SSH1: variants seen among roughly 807,000 people sequenced by gnomAD.
SSH1 encodes slingshot protein phosphatase 1.
SSH1 carries 43 observed loss-of-function variants against 79.7 expected under a neutral mutation model. That is an observed-to-expected ratio of 0.54 (90% CI 0.42 to 0.70). The LOEUF (loss-of-function observed/expected upper bound fraction) is 0.70. SSH1 is among the 30% of genes least tolerant of loss of function. SSH1 has a pLI of 0.00. For missense variants in SSH1, 1,206 were observed against 1,358.8 expected (o/e 0.89, Z 1.77); for synonymous variants, 599 against 538.3 (o/e 1.11, Z -1.56).
chr12:108,818,253 T>C lies in SSH1; in HGVS notation c.275A>G (p.Lys92Arg). The change falls in exon 4 of 15, where the codon AAG (lysine) becomes AGG (arginine). Residue 92 changes from lysine to arginine, a missense_variant. By Grantham distance (26) the Lys-to-Arg change is conservative. Around this residue, in one of 5 missense-constraint regions of SSH1, gnomAD observed 115 missense variants for 173.9 expected, o/e 0.66. Transcript: ENST00000326495. The stretch of plus-strand genomic sequence containing the variant: ...GACATTCTCACTGCTTCTTACCAGC[T>C]TGATTCTGTCTTCGCAACGCAGAAG... ...INLLRCEDRI[K>R]LAVRLESAWA... The C allele has an allele frequency of 6.2e-7, 1 of 1,613,802 alleles. No homozygotes were observed. Among genetic ancestry groups the C allele is most frequent in the Non-Finnish European group, 8.5e-7 (1 of 1,179,928 alleles).
At chr12:108,801,318 A>C (rs986133841) in intron 11 of SSH1, among the ~76,000 whole-genome samples, 20 of 152,214 alleles carry the variant, frequency 1.3e-4, no homozygotes. Context: ...ATATCCATCC[A>C]TTATCTATAT....
At chr12:108,792,198 T>C (rs1321290162) in intron 14 of SSH1, 88 bp downstream of exon 14, 8 of 1,599,088 alleles carry the variant, frequency 5.0e-6, no homozygotes, top group Admixed American at 1.7e-5. Flanking sequence ...CGGGTGCCTG[T>C]AGTCCCTACT....
At chr12:108,838,253 C>T (rs1156462144) in intron 2 of SSH1, among the ~76,000 whole-genome samples, 3 of 152,228 alleles carry the variant, frequency 2.0e-5, no homozygotes, top group Non-Finnish European at 1.5e-5. Flanking sequence ...GTTTTACCCT[C>T]ACCAAGCAAG....
chr12:108,832,163 G>A (rs2038489948), intron 2 of SSH1, among the ~76,000 whole-genome samples: 1 of 151,986 alleles, frequency 6.6e-6, no homozygotes, highest in Non-Finnish European at 1.5e-5. Flanking sequence ...TGGGTGTGGT[G>A]GCGTGCACCT....
At chr12:108,833,446 G>A (rs550287565) in intron 2 of SSH1, among the ~76,000 whole-genome samples, 28 of 152,302 alleles carry the variant, frequency 1.8e-4, no homozygotes, top group South Asian at 1.0e-3. Context: ...CAAAAATTCC[G>A]AGAAGAGATT....
Position 108,857,413 on chromosome 12 carries a change from G to T in SSH1, c.69+15C>A. On this transcript the variant is annotated intron_variant, in intron 1 of 14. Coordinates refer to ENST00000326495, the MANE Select transcript of SSH1 (RefSeq NM_018984.4). The surrounding 1 kb of genome is among the most constrained non-coding windows in gnomAD (Gnocchi z 4.7). ...TCCGGCGGCCCAGGCCGGGCGCGGC[G>T]AGCCCGGGGCTCACCTCGCTGTTGC... 1 of 1,038,910 alleles carries T rather than the reference G, an allele frequency of 9.6e-7. No individual in the cohort carries two copies. 64.4% of individuals were successfully genotyped at this position (1,038,910 alleles called of 1,614,324 possible). A position where few individuals can be genotyped will look rare whatever the true frequency, so the allele number is the denominator to read the frequency against.
intron 1 of SSH1, among the ~76,000 whole-genome samples, chr12:108,854,455 C>T (rs977080923): frequency 6.6e-6 from 1 of 152,112 alleles, no homozygotes; most frequent in Non-Finnish European, 1.5e-5. Context: ...AGATAAGATT[C>T]ACAGGAAAAT....
chr12:108,803,132 A>G (rs904734724), intron 10 of SSH1, among the ~76,000 whole-genome samples: 1 of 152,228 alleles, frequency 6.6e-6, no homozygotes, highest in Non-Finnish European at 1.5e-5. Flanking sequence ...GCGTTTTCAA[A>G]GAAGCTATAT....
intron 10 of SSH1, among the ~76,000 whole-genome samples, chr12:108,803,122 G>T (rs76442019): frequency 0.1 from 15,499 of 151,968 alleles, 2,292 homozygotes; most frequent in African/African-American, 0.33. Flanking sequence ...CTTTCTTTGT[G>T]CGTTTTCAAA....
intron 10 of SSH1, among the ~76,000 whole-genome samples, chr12:108,802,658 A>C (rs2037068432): frequency 6.6e-6 from 1 of 152,006 alleles, no homozygotes; most frequent in Non-Finnish European, 1.5e-5. Context: ...CCGTCTCCCC[A>C]CTTCCTTTCC....
intron 12 of SSH1, 128 bp from the exon 13 acceptor site, chr12:108,799,328 T>C (rs1593026314): frequency 5.3e-6 from 4 of 760,956 alleles, no homozygotes; most frequent in Middle Eastern, 3.8e-4. Context: ...GTAGATATCT[T>C]ACTGCCGAAA....
intron 1 of SSH1, among the ~76,000 whole-genome samples, chr12:108,855,811 G>C (rs2039132484): frequency 6.6e-6 from 1 of 151,990 alleles, no homozygotes; most frequent in South Asian, 2.1e-4. Context: ...GCGTGTAGAG[G>C]GGGATTACTA....
At chr12:108,789,838 G>A (rs1374737295) in intron 14 of SSH1, among the ~76,000 whole-genome samples, 1 of 152,140 alleles carries the variant, frequency 6.6e-6, no homozygotes, top group East Asian at 1.9e-4. Flanking sequence ...CAAGGCAGGA[G>A]GGCAACAGGG....
intron 5 of SSH1, among the ~76,000 whole-genome samples, chr12:108,815,810 C>G (rs1740074364): frequency 6.6e-6 from 1 of 152,216 alleles, no homozygotes; most frequent in Admixed American, 6.5e-5. Context: ...GAAACTTTCT[C>G]ATAGTGCTAT....
At chr12:108,837,842 G>A (rs777320668) in intron 2 of SSH1, among the ~76,000 whole-genome samples, 3 of 151,802 alleles carry the variant, frequency 2.0e-5, no homozygotes, top group Admixed American at 1.3e-4. Flanking sequence ...GCAGTGGGAC[G>A]ACCACGGCTC....
In SSH1 at chr12:108,796,811, C is replaced by T. The variant is rs145568840; in HGVS notation, c.1349+2189G>A. On this transcript the variant is annotated intron_variant, in intron 13 of 14. Coordinates refer to ENST00000326495, the MANE Select transcript of SSH1 (RefSeq NM_018984.4). ...AGGCTGGAGTGCAATGGTGTGATCT[C>T]GGCTCACTGTAACCTCCACCTCCCG... Among the ~76,000 whole-genome samples the T allele has an allele frequency of 1.9e-3, 293 of 150,988 alleles. 3 individuals carry two copies. In the East Asian group the frequency reaches 0.026, roughly 13 times the overall value.
intron 2 of SSH1, among the ~76,000 whole-genome samples, chr12:108,833,180 G>A (rs1010876242): frequency 1.8e-4 from 27 of 147,280 alleles, no homozygotes; most frequent in African/African-American, 6.8e-4. Flanking sequence ...CCCTAAATAA[G>A]ACAGCAAGTG....
chr12:108,804,988 A>G, intron 10 of SSH1, 68 bp downstream of exon 10: 11 of 1,583,408 alleles, frequency 6.9e-6, no homozygotes, highest in Non-Finnish European at 9.5e-6. Context: ...ACTTGCTACA[A>G]ACTCTTAAAC....
chr12:108,793,740 G>A lies in SSH1; in HGVS notation c.1350-911C>T, dbSNP rs913628591. On this transcript the variant is annotated intron_variant, in intron 13 of 14. Transcript: ENST00000326495. ...TGTAAGGCATAAAAAAAAAGTTTAC[G>A]GTGAAATAAGGTAACTAAGTCACCC... is the stretch of plus-strand genomic sequence containing the variant. Among the ~76,000 whole-genome samples, 5 of 152,216 alleles carry A rather than the reference G, an allele frequency of 3.3e-5. No individual in the cohort carries two copies. In the East Asian group the frequency reaches 5.8e-4, roughly 18 times the overall value.
Sources: allele counts gnomAD v4.1 joint callset (sites outside exome capture counted in the v4.1 genomes callset), GRCh38; gene constraint gnomAD v4.1.1; regional missense constraint gnomAD v4.1.1; non-coding constraint Gnocchi (gnomAD v3.1); transcripts MANE v1.5; gene names NCBI Gene and HGNC (gene_info 2026-07-23, HGNC 2026-07-21).